Variants in LARP1B observed in about 807,000 individuals in gnomAD.
The protein encoded by LARP1B is La ribonucleoprotein 1B.
LARP1B carries 76 observed loss-of-function variants against 114.2 expected under a neutral mutation model. The observed-to-expected ratio is 0.67, with a 90% CI of 0.55 to 0.81. The LOEUF is 0.81. Ranked by LOEUF, LARP1B falls within the 30% of genes least tolerant of loss-of-function variation. LARP1B has a pLI of 0.00. For synonymous variants in LARP1B, 345 were observed against 348.0 expected (o/e 0.99, Z 0.10); for missense variants, 1,014 against 1,075.8 (o/e 0.94, Z 0.80).
chr4:128,116,503 A>G (rs973182561), intron 10 of LARP1B, among the ~76,000 whole-genome samples: 3 of 152,166 alleles, frequency 2.0e-5, no homozygotes, highest in Admixed American at 1.3e-4. Flanking sequence ...GATGGAAGGT[A>G]TTGAGAGGAT....
In LARP1B at chr4:128,098,309, A is replaced by C; in HGVS notation, c.792A>C (p.Thr264=). The change falls in exon 8 of 20, where the codon ACA becomes ACC. Residue 264 remains threonine (T), a synonymous_variant. Coordinates refer to ENST00000326639, the MANE Select transcript of LARP1B (RefSeq NM_018078.4). Reference sequence around the variant, plus strand: ...TTCAGCGTGTTCAGGCTCTCACTACAAACCTTAATCTCATCTTAGAGGTAA... The same window carrying C: ...TTCAGCGTGTTCAGGCTCTCACTACCAACCTTAATCTCATCTTAGAGGTAA... The part of the protein sequence containing the change: ...AGFQRVQALT[T]NLNLILEALK... 2 of 1,613,556 alleles carry C rather than the reference A, an allele frequency of 1.2e-6. No homozygotes were observed. Among genetic ancestry groups the C allele is most frequent in the Non-Finnish European group, 1.7e-6 (2 of 1,179,672 alleles).
At chr4:128,074,340 A>G (rs1349978970) in intron 1 of LARP1B, 120 bp from the exon 2 acceptor site, 1 of 162,160 alleles carries the variant, frequency 6.2e-6, no homozygotes, top group Admixed American at 6.5e-5. Context: ...TAAGTCTCAG[A>G]ACCTTGGATT....
intron 3 of LARP1B, among the ~76,000 whole-genome samples, chr4:128,075,844 G>A (rs375930450): frequency 3.3e-5 from 5 of 152,020 alleles, no homozygotes; most frequent in East Asian, 1.9e-4. Flanking sequence ...ACCATACCTC[G>A]CCTATTATTT....
chr4:128,181,807 T>G (rs993338513), intron 15 of LARP1B, among the ~76,000 whole-genome samples: 9 of 138,826 alleles, frequency 6.5e-5, no homozygotes, highest in Non-Finnish European at 1.1e-4. Flanking sequence ...TGTCCTTTTT[T>G]TTTTTTTTTT....
intron 15 of LARP1B, among the ~76,000 whole-genome samples, chr4:128,192,284 A>T (rs1257628291): frequency 1.3e-5 from 2 of 152,134 alleles, no homozygotes; most frequent in Non-Finnish European, 2.9e-5. Context: ...TTTTTGCAAT[A>T]TGTGCTGTTT....
chr4:128,076,419 C>T (rs995802497), intron 3 of LARP1B, among the ~76,000 whole-genome samples: 2 of 152,014 alleles, frequency 1.3e-5, no homozygotes, highest in African/African-American at 4.8e-5. Flanking sequence ...TTGTACTCAG[C>T]ATTATTTTGA....
At chr4:128,085,875 A>T (rs1773274917) in intron 5 of LARP1B, among the ~76,000 whole-genome samples, 1 of 152,198 alleles carries the variant, frequency 6.6e-6, no homozygotes, top group African/African-American at 2.4e-5. Context: ...TGTATATTTA[A>T]CATTATAAGA....
chr4:128,216,531 C>T (rs2150982188), downstream of LARP1B, among the ~76,000 whole-genome samples: 3 of 149,062 alleles, frequency 2.0e-5, no homozygotes, highest in East Asian at 5.9e-4. Context: ...GAACAACCTG[C>T]TCCTGAATGA....
rs1378061481 is a variant in LARP1B, at chr4:128,211,463, G to A, written c.*1410G>A. On this transcript the variant is annotated 3_prime_UTR_variant, in exon 20 of 20. Transcript: ENST00000326639. ...TTCATTAAGTTATTTCTCATGATAA[G>A]TAATAATCAGCAGTTTTATAATATT... 2 of 917,112 alleles carry A rather than the reference G, an allele frequency of 2.2e-6. No individual in the cohort carries two copies. The highest frequency in any genetic ancestry group is 1.8e-5 in the African/African-American group (1 of 55,720). The allele number at this position is 917,112 out of a possible 1,614,324, so 56.8% of individuals were successfully genotyped here.
At chr4:128,101,772 C>A (rs1277376579) in intron 8 of LARP1B, among the ~76,000 whole-genome samples, 1 of 151,966 alleles carries the variant, frequency 6.6e-6, no homozygotes, top group Non-Finnish European at 1.5e-5. Context: ...GAGCTACCGC[C>A]GCCGGCATTA....
chr4:128,210,195 TAAGAA>T lies in LARP1B; in HGVS notation c.*144_*148del. 1 of 1,457,242 alleles carries T rather than the reference TAAGAA, an allele frequency of 6.9e-7. No individual in the cohort carries two copies. The highest frequency in any genetic ancestry group is 9.0e-7 in the Non-Finnish European group (1 of 1,107,290). 90.3% of individuals were successfully genotyped at this position (1,457,242 alleles called of 1,614,324 possible). On this transcript the variant is annotated 3_prime_UTR_variant, in exon 20 of 20. Transcript: ENST00000326639. ...ATCTTCTGGTGTTTAATTGTGATAATAAGAAAGAAGAAAAAGAAAGAAAAGTGGTA... is the reference window on the plus strand; with the variant it reads ...ATCTTCTGGTGTTTAATTGTGATAATAGAAGAAAAAGAAAGAAAAGTGGTA...
At chr4:128,220,190 T>A (rs561735968) in intron 6 of LARP1B, among the ~76,000 whole-genome samples, 2 of 152,350 alleles carry the variant, frequency 1.3e-5, no homozygotes, top group South Asian at 2.1e-4. Context: ...TGGCTAGATT[T>A]TATTTTTTAA....
At chr4:128,092,917 A>G (rs1401117453) in intron 7 of LARP1B, 1 of 985,168 alleles carries the variant, frequency 1.0e-6, no homozygotes, top group African/African-American at 1.7e-5. Flanking sequence ...TGGACATGCA[A>G]CTCCATGTCA....
At chr4:128,135,226 C>G (rs1438090881) in intron 11 of LARP1B, among the ~76,000 whole-genome samples, 1 of 151,996 alleles carries the variant, frequency 6.6e-6, no homozygotes, top group Admixed American at 6.6e-5. Context: ...AGGATTATCA[C>G]CTCACACTGA....
chr4:128,108,310 C>T (rs1782784818), intron 9 of LARP1B: 1 of 1,018,380 alleles, frequency 9.8e-7, no homozygotes, highest in East Asian at 8.9e-5. Context: ...TAGCATTTCC[C>T]AGATTCTTAA....
At chr4:128,188,867 A>G (rs1751259056) in intron 15 of LARP1B, among the ~76,000 whole-genome samples, 1 of 152,204 alleles carries the variant, frequency 6.6e-6, no homozygotes, top group Non-Finnish European at 1.5e-5. Flanking sequence ...GATACTTGAT[A>G]TGATTTTGAC....
intron 4 of LARP1B, among the ~76,000 whole-genome samples, chr4:128,081,522 G>A (rs553166180): frequency 6.6e-6 from 1 of 151,906 alleles, no homozygotes; most frequent in South Asian, 2.1e-4. Flanking sequence ...TGACAGATTG[G>A]TCCAATGTGA....
At position 128,206,468 on chromosome 4, in the gene LARP1B, C is replaced by T; in HGVS notation, c.2350C>T (p.Leu784=). Residue 784 remains leucine (L), a synonymous_variant, in exon 18 of 20, where the codon CTG becomes TTG. Coordinates refer to ENST00000326639, the MANE Select transcript of LARP1B (RefSeq NM_018078.4). ...ECLFRFYSYG[L]EKKFRREIFQ... ...TCTGTTCAGGTTTTATAGTTATGGA[C>T]TGGAAAAAAAATTCAGGCGAGAAAT... The T allele has an allele frequency of 6.2e-7, 1 of 1,612,530 alleles. No homozygotes were observed. Among genetic ancestry groups the T allele is most frequent in the Non-Finnish European group, 8.5e-7 (1 of 1,179,494 alleles).
At chr4:128,144,612 G>C (rs1729518194) in intron 11 of LARP1B, among the ~76,000 whole-genome samples, 1 of 151,918 alleles carries the variant, frequency 6.6e-6, no homozygotes, top group Non-Finnish European at 1.5e-5. Context: ...TGGGATTTCA[G>C]GTGTGAGCCG....
Sources: allele counts gnomAD v4.1 joint callset (sites outside exome capture counted in the v4.1 genomes callset), GRCh38; gene constraint gnomAD v4.1.1; transcripts MANE v1.5; gene names NCBI Gene and HGNC (gene_info 2026-07-23, HGNC 2026-07-21).